The following ITPKB variants were observed in gnomAD, a reference collection of about 807,000 sequenced individuals.
ITPKB encodes inositol-trisphosphate 3-kinase B.
ITPKB carries 13 observed loss-of-function variants against 69.4 expected under a neutral mutation model. The observed-to-expected ratio is 0.19, with a 90% CI of 0.12 to 0.30. The LOEUF is 0.30. ITPKB is among the 10% of genes least tolerant of loss of function. The probability of loss-of-function intolerance (pLI) is 1.00; values close to 1 mark genes in which losing one functional copy is unlikely to be tolerated. For synonymous variants in ITPKB, 584 were observed against 513.7 expected, an observed-to-expected ratio of 1.14 and a Z score of -1.85; for missense variants, 1,240 against 1,250.5, an observed-to-expected ratio of 0.99 and a Z score of 0.13.
rs533043160 is a variant in ITPKB at position 226,680,533 on chromosome 1, C to T, written c.1933-31762G>A. ...TGTGAAGAGTCGGCTCTAATGATTA[C>T]TTGTATTAAGTTATCCACGATTCTT... On this transcript the variant is annotated intron_variant, in intron 2 of 7. Transcript: ENST00000429204. Among the ~76,000 whole-genome samples, 15 of 152,244 alleles carry T rather than the reference C, an allele frequency of 9.9e-5. No homozygotes were observed. In the South Asian group the frequency reaches 2.5e-3, roughly 25 times the overall value.
intron 2 of ITPKB, among the ~76,000 whole-genome samples, chr1:226,661,239 G>A (rs1019176789): frequency 2.0e-5 from 3 of 152,128 alleles, no homozygotes; most frequent in South Asian, 2.1e-4. Flanking sequence ...GGCAGGGCAG[G>A]AGCGCAGCCC....
intron 2 of ITPKB, among the ~76,000 whole-genome samples, chr1:226,654,276 A>G (rs1669246245): frequency 6.6e-6 from 1 of 152,192 alleles, no homozygotes; most frequent in Non-Finnish European, 1.5e-5. Flanking sequence ...TGGAGGAGAC[A>G]GGAAGTCAGA....
At chr1:226,679,156 A>G (rs1213989799) in intron 2 of ITPKB, among the ~76,000 whole-genome samples, 1 of 151,356 alleles carries the variant, frequency 6.6e-6, no homozygotes, top group Non-Finnish European at 1.5e-5. Context: ...AATGGCTGAC[A>G]GCGTCTATTC....
At chr1:226,674,570 G>A (rs902129585) in intron 2 of ITPKB, among the ~76,000 whole-genome samples, 29 of 152,110 alleles carry the variant, frequency 1.9e-4, no homozygotes, top group Non-Finnish European at 2.5e-4. Flanking sequence ...CTGACCTCAG[G>A]TGATCTGCCC....
chr1:226,636,718 A>ACC (rs1279778479), intron 7 of ITPKB, among the ~76,000 whole-genome samples: 2 of 144,856 alleles, frequency 1.4e-5, no homozygotes, highest in Non-Finnish European at 3.0e-5. Flanking sequence ...ACACCCACCC[A>ACC]CCCATGGGAT....
chr1:226,644,580 A>G (rs1669028122), intron 4 of ITPKB, among the ~76,000 whole-genome samples: 1 of 152,328 alleles, frequency 6.6e-6, no homozygotes, highest in African/African-American at 2.4e-5. Context: ...CCCCAGAGCC[A>G]CTGAGCACAT....
chr1:226,713,215 G>A (rs142272424), intron 2 of ITPKB, among the ~76,000 whole-genome samples: 35 of 152,038 alleles, frequency 2.3e-4, no homozygotes, highest in Non-Finnish European at 5.0e-4. Flanking sequence ...GAATGCCCCC[G>A]CCCCCGGTTC....
At position 226,648,724 on chromosome 1, in the gene ITPKB, G is replaced by A. The variant is rs769795552; in HGVS notation, c.1980C>T (p.Phe660=). 40 of 1,613,230 alleles carry A rather than the reference G, an allele frequency of 2.5e-5. No homozygotes were observed. Among genetic ancestry groups the A allele is most frequent in the Admixed American group, 1.7e-4 (10 of 60,004 alleles). The change falls in exon 3 of 8, where the codon TTC becomes TTT. Residue 660 remains phenylalanine (F), a synonymous_variant. Coordinates refer to ENST00000429204, the MANE Select transcript of ITPKB (RefSeq NM_002221.4). ...GGTACTTCTTCTTGAAGGACATGAC[G>A]AAGGGAGACCAGTGCACCATGTTTT... is the stretch of plus-strand genomic sequence containing the variant. ...KIKNMVHWSP[F]VMSFKKKYPW...
rs1468765115 is a variant in ITPKB, at chr1:226,736,097, C to T, written c.1362G>A (p.Gly454=). 1.2e-6 allele frequency: 2 copies of T among 1,606,836 alleles called. No individual in the cohort carries two copies. The highest frequency in any genetic ancestry group is 1.7e-6 in the Non-Finnish European group (2 of 1,176,056). The part of the protein sequence containing the change: ...EGGSPTLGLL[G]GSPSAQPGTG... ...TCCCCGGCTGTGCTGAGGGGCTGCC[C>T]CCAAGCAAGCCCAGCGTTGGGGACC... Residue 454 remains glycine (G), a synonymous_variant, in exon 2 of 8, where the codon GGG becomes GGA. Coordinates refer to ENST00000429204, the MANE Select transcript of ITPKB (RefSeq NM_002221.4).
intron 2 of ITPKB, among the ~76,000 whole-genome samples, chr1:226,695,831 G>A (rs1213383548): frequency 6.6e-6 from 1 of 152,152 alleles, no homozygotes; most frequent in African/African-American, 2.4e-5. Flanking sequence ...TTATGGCAGG[G>A]CCCACAATGT....
In ITPKB at chr1:226,738,427, G is replaced by GC. The variant is rs549580763; in HGVS notation, c.-206+613dup. ...CTCTTTACCGGAACCAGTACTTGCT[G>GC]CCCCCCTGCCGTCGTCCCCTATGGG... On this transcript the variant is annotated intron_variant, in intron 1 of 7. Coordinates refer to ENST00000429204, the MANE Select transcript of ITPKB (RefSeq NM_002221.4). The surrounding 1 kb of genome is among the most constrained non-coding windows in gnomAD (Gnocchi z 4.2). Among the ~76,000 whole-genome samples the GC allele has an allele frequency of 2.0e-3, 310 of 152,320 alleles. 1 individual carries two copies. In the Middle Eastern group the frequency reaches 0.027, roughly 13 times the overall value.
chr1:226,735,909 C>T lies in ITPKB; in HGVS notation c.1550G>A (p.Gly517Asp). 1 of 1,613,606 alleles carries T rather than the reference C, an allele frequency of 6.2e-7. No individual in the cohort carries two copies. The highest frequency in any genetic ancestry group is 1.1e-5 in the South Asian group (1 of 91,074). Reference protein sequence around the residue: ...RVWQGTMEKAGLAWTRGTGVQ... With the variant: ...RVWQGTMEKADLAWTRGTGVQ... ...CCCTGTGCCACGCGTCCAAGCCAAA[C>T]CGGCTTTCTCCATGGTGCCCTGCCA... Residue 517 changes from glycine (G) to aspartate (D), a missense_variant, in exon 2 of 8, where the codon GGT becomes GAT. Gly to Asp is a moderately conservative substitution (Grantham distance 94). Around this residue, in one of 2 missense-constraint regions of ITPKB, gnomAD observed 992 missense variants for 853.8 expected, o/e 1.16. Transcript: ENST00000429204.
In ITPKB at chr1:226,641,804, C is replaced by A; in HGVS notation, c.2451+117G>T. 1.0e-6 allele frequency: 1 copy of A among 967,400 alleles called. No individual in the cohort carries two copies. The allele number at this position is 967,400 out of a possible 1,614,324, so 59.9% of individuals were successfully genotyped here. ...ATGTCTGGCCTTGGGGCGGGCCACCCACATTCTGAGCCTGTGCCTGGAGAA... is the reference window on the plus strand; with the variant it reads ...ATGTCTGGCCTTGGGGCGGGCCACCAACATTCTGAGCCTGTGCCTGGAGAA... On this transcript the variant is annotated intron_variant, in intron 5 of 7. Transcript: ENST00000429204. The surrounding 1 kb of genome is among the most constrained non-coding windows in gnomAD (Gnocchi z 4.6).
intron 2 of ITPKB, chr1:226,669,272 C>G (rs1470694804): frequency 6.6e-6 from 1 of 152,118 alleles, no homozygotes; most frequent in African/African-American, 2.4e-5. Context: ...AAAAATTAGC[C>G]GGGCGTGGTG....
Position 226,736,768 on chromosome 1 carries a change from T to C in ITPKB, c.691A>G (p.Lys231Glu), listed in dbSNP as rs1657788444. Residue 231 changes from lysine to glutamate, a missense_variant, in exon 2 of 8, where the codon AAG becomes GAG. This residue lies in a region of ITPKB where 992 missense variants were observed against 853.8 expected (regional missense o/e 1.16). Coordinates refer to ENST00000429204, the MANE Select transcript of ITPKB (RefSeq NM_002221.4). ...CCGGGAAGAGGTGGCATTCCTTTCTTCACCTGCGAGGAGCATAGGCTGGGC... is the reference window on the plus strand; with the variant it reads ...CCGGGAAGAGGTGGCATTCCTTTCTCCACCTGCGAGGAGCATAGGCTGGGC... ...GGPSLCSSQV[K>E]KGMPPLPGRA... 1 of 1,612,944 alleles carries C rather than the reference T, an allele frequency of 6.2e-7. No homozygotes were observed. Among genetic ancestry groups the C allele is most frequent in the African/African-American group, 1.3e-5 (1 of 74,942 alleles).
intron 2 of ITPKB, among the ~76,000 whole-genome samples, chr1:226,676,901 C>T (rs1669744438): frequency 6.6e-6 from 1 of 152,144 alleles, no homozygotes; most frequent in African/African-American, 2.4e-5. Context: ...CTTTTGAGCT[C>T]TAAAAAGAAC....
chr1:226,716,241 C>T (rs1363858529), intron 2 of ITPKB, among the ~76,000 whole-genome samples: 4 of 152,134 alleles, frequency 2.6e-5, no homozygotes, highest in African/African-American at 7.2e-5. Context: ...AGTAAAAATG[C>T]GTAAGAATAG....
At position 226,637,537 on chromosome 1, in the gene ITPKB, AGCGAG is replaced by A; in HGVS notation, c.2625+137_2625+141del. ...GCATTGAGACGCAGCTCCCCCGTGC[AGCGAG>A]GGTCTGGTCCCTGATGGCCTGCCTC... On this transcript the variant is annotated intron_variant, in intron 7 of 7. Coordinates refer to ENST00000429204, the MANE Select transcript of ITPKB (RefSeq NM_002221.4). The surrounding 1 kb of genome is among the most constrained non-coding windows in gnomAD (Gnocchi z 4.3). 1 of 667,238 alleles carries A rather than the reference AGCGAG, an allele frequency of 1.5e-6. No individual in the cohort carries two copies. The highest frequency in any genetic ancestry group is 2.7e-6 in the Non-Finnish European group (1 of 370,042). The allele number at this position is 667,238 out of a possible 1,614,324, so 41.3% of individuals were successfully genotyped here.
intron 2 of ITPKB, 61 bp downstream of exon 2, chr1:226,735,466 G>GATCTC: frequency 6.9e-7 from 1 of 1,444,538 alleles, no homozygotes. Context: ...GGGATGCATA[G>GATCTC]GGCATCAAAA....
Sources: gnomAD v4.1 joint callset for allele counts (sites outside exome capture counted in the v4.1 genomes callset) on GRCh38, gnomAD v4.1.1 for gene constraint, gnomAD v4.1.1 regional missense constraint, Gnocchi (gnomAD v3.1) non-coding constraint, MANE v1.5 for transcripts, NCBI Gene and HGNC (gene_info 2026-07-23, HGNC 2026-07-21) for gene names.